SLC30A6: variants seen among roughly 807,000 people sequenced by gnomAD.
The protein encoded by SLC30A6 is zinc transporter 6.
In SLC30A6, 55 loss-of-function variants were observed where a neutral mutation model predicts 63.0. That is an observed-to-expected ratio of 0.87 (90% CI 0.70 to 1.09). SLC30A6 has a LOEUF of 1.09. Ranked by LOEUF, SLC30A6 falls within the 50% of genes least tolerant of loss-of-function variation. The probability of loss-of-function intolerance (pLI) is 0.00; values close to 1 mark genes in which losing one functional copy is unlikely to be tolerated. For synonymous variants in SLC30A6, 224 were observed against 186.1 expected (o/e 1.20, Z -1.66); for missense variants, 587 against 549.2 (o/e 1.07, Z -0.69).
chr2:32,176,466 G>C (rs1364955167), intron 4 of SLC30A6, among the ~76,000 whole-genome samples: 1 of 151,872 alleles, frequency 6.6e-6, no homozygotes, highest in African/African-American at 2.4e-5. Flanking sequence ...AGACCAGCCT[G>C]GCCAATATGG....
At chr2:32,197,646 G>C in intron 9 of SLC30A6, 61 bp from the exon 10 acceptor site, 2 of 1,606,354 alleles carry the variant, frequency 1.2e-6, no homozygotes, top group Non-Finnish European at 1.7e-6. Flanking sequence ...CTTTTACAAG[G>C]TTGTCACCAG....
intron 12 of SLC30A6, among the ~76,000 whole-genome samples, chr2:32,208,654 G>T (rs575637519): frequency 7.1e-6 from 1 of 140,282 alleles, no homozygotes; most frequent in Non-Finnish European, 1.6e-5. Flanking sequence ...GTGCAGTGCC[G>T]TGTTCTCTGC....
intron 11 of SLC30A6, 60 bp downstream of exon 11, chr2:32,204,752 A>G: frequency 1.0e-6 from 1 of 957,478 alleles, no homozygotes; most frequent in Non-Finnish European, 1.6e-6. Context: ...ACCAGATTAA[A>G]AAGTTGTATG....
chr2:32,189,011 G>A (rs1683084501), intron 5 of SLC30A6, among the ~76,000 whole-genome samples: 1 of 152,046 alleles, frequency 6.6e-6, no homozygotes, highest in South Asian at 2.1e-4. Flanking sequence ...TTGCTTAATT[G>A]TTAAGGACAT....
intron 1 of SLC30A6, among the ~76,000 whole-genome samples, chr2:32,167,959 T>A (rs1219197814): frequency 1.3e-5 from 2 of 152,228 alleles, no homozygotes; most frequent in Non-Finnish European, 2.9e-5. Flanking sequence ...TGTAAGCTCA[T>A]TGAGAGCAGG....
At chr2:32,178,393 GC>G (rs1381787147) in intron 4 of SLC30A6, among the ~76,000 whole-genome samples, 4 of 152,070 alleles carry the variant, frequency 2.6e-5, no homozygotes, top group African/African-American at 9.7e-5. Flanking sequence ...CAGTTCACGG[GC>G]CAAGTGTGGT....
chr2:32,210,057 C>T (rs1435695092), intron 13 of SLC30A6, among the ~76,000 whole-genome samples: 1 of 152,150 alleles, frequency 6.6e-6, no homozygotes, highest in Non-Finnish European at 1.5e-5. Flanking sequence ...TTTTCTAATT[C>T]AGTTTGAACC....
intron 10 of SLC30A6, 127 bp downstream of exon 10, chr2:32,197,953 A>G: frequency 8.9e-7 from 1 of 1,124,896 alleles, no homozygotes; most frequent in East Asian, 2.4e-5. Flanking sequence ...CTTAGATCAC[A>G]TCTTTTCCTT....
intron 11 of SLC30A6, 78 bp downstream of exon 11, chr2:32,204,770 C>A: frequency 1.6e-5 from 10 of 612,684 alleles, no homozygotes; most frequent in Non-Finnish European, 2.6e-5. Flanking sequence ...ATGTGTTGTT[C>A]TACAAGATTG....
intron 4 of SLC30A6, among the ~76,000 whole-genome samples, chr2:32,178,787 C>T (rs547059894): frequency 1.8e-4 from 27 of 152,200 alleles, no homozygotes; most frequent in African/African-American, 5.8e-4. Flanking sequence ...TATGCCAGTA[C>T]CATCAGTCTT....
At chr2:32,167,685 T>A (rs951172769) in intron 1 of SLC30A6, among the ~76,000 whole-genome samples, 1 of 151,816 alleles carries the variant, frequency 6.6e-6, no homozygotes, top group Non-Finnish European at 1.5e-5. Flanking sequence ...CACACACCAG[T>A]TTTGTTACAT....
At chr2:32,204,305 A>G (rs1684554055) in intron 10 of SLC30A6, among the ~76,000 whole-genome samples, 1 of 152,170 alleles carries the variant, frequency 6.6e-6, no homozygotes, top group South Asian at 2.1e-4. Context: ...ATAGTTTGAC[A>G]AAAAAATGCC....
intron 13 of SLC30A6, among the ~76,000 whole-genome samples, chr2:32,213,066 C>T (rs1457448511): frequency 6.6e-6 from 1 of 151,770 alleles, no homozygotes; most frequent in Non-Finnish European, 1.5e-5. Flanking sequence ...CCACCATGCC[C>T]AGCTGATCTT....
intron 13 of SLC30A6, among the ~76,000 whole-genome samples, chr2:32,215,050 A>G (rs1490540084): frequency 6.6e-6 from 1 of 152,218 alleles, no homozygotes; most frequent in Non-Finnish European, 1.5e-5. Flanking sequence ...TTTGTATTTC[A>G]AGTCATAGAT....
At chr2:32,186,714 G>C (rs1032737273) in intron 5 of SLC30A6, among the ~76,000 whole-genome samples, 5 of 151,060 alleles carry the variant, frequency 3.3e-5, no homozygotes, top group Non-Finnish European at 4.4e-5. Context: ...ATTAGTTTGG[G>C]GAGTCAGATG....
chr2:32,214,278 A>G (rs184270589), intron 13 of SLC30A6, among the ~76,000 whole-genome samples: 3 of 152,228 alleles, frequency 2.0e-5, no homozygotes, highest in Admixed American at 2.0e-4. Flanking sequence ...AATATCCATG[A>G]TTATTTCTTA....
intron 1 of SLC30A6, 83 bp from the exon 2 acceptor site, chr2:32,171,204 C>A: frequency 9.1e-7 from 1 of 1,098,904 alleles, no homozygotes; most frequent in Non-Finnish European, 1.4e-6. Flanking sequence ...TTATTTATAT[C>A]ATAGGAACCA....
chr2:32,210,336 A>T (rs958402171), intron 13 of SLC30A6, among the ~76,000 whole-genome samples: 1 of 152,000 alleles, frequency 6.6e-6, no homozygotes, highest in African/African-American at 2.4e-5. Context: ...ACATGGTGAA[A>T]CCCCATCTCT....
At chr2:32,178,266 G>A (rs1314970564) in intron 4 of SLC30A6, among the ~76,000 whole-genome samples, 1 of 151,898 alleles carries the variant, frequency 6.6e-6, no homozygotes, top group Non-Finnish European at 1.5e-5. Context: ...TTTTTTAATG[G>A]TGTGAGATTG....
Sources: gnomAD v4.1 joint callset for allele counts (sites outside exome capture counted in the v4.1 genomes callset) on GRCh38, gnomAD v4.1.1 for gene constraint, MANE v1.5 for transcripts, NCBI Gene and HGNC (gene_info 2026-07-23, HGNC 2026-07-21) for gene names.